The following MROH7 variants were observed in gnomAD, a reference collection of about 807,000 sequenced individuals.
MROH7 encodes the protein maestro heat like repeat family member 7.
MROH7 carries 113 observed loss-of-function variants against 129.2 expected under a neutral mutation model. That is an observed-to-expected ratio of 0.87 (90% CI 0.75 to 1.02). The LOEUF is 1.02. MROH7 is among the 50% of genes least tolerant of loss of function. The pLI is 0.00. For missense variants in MROH7, 1,601 were observed against 1,671.3 expected, an observed-to-expected ratio of 0.96 and a Z score of 0.73; for synonymous variants, 655 against 667.9, an observed-to-expected ratio of 0.98 and a Z score of 0.30.
chr1:54,663,832 T>C, intron 3 of MROH7: 1 of 446,622 alleles, frequency 2.2e-6, no homozygotes, highest in African/African-American at 2.0e-5. Context: ...GCCTTGTTCC[T>C]TTTAGTGGGG....
In MROH7 at chr1:54,683,832, C is replaced by T. The variant is rs558930279; in HGVS notation, c.2520+1038C>T. 3.3e-5 allele frequency among the ~76,000 whole-genome samples: 5 copies of T among 152,334 alleles called. No homozygotes were observed. The South Asian group carries it at 1.0e-3, about 32-fold the overall frequency. On this transcript the variant is annotated intron_variant, in intron 14 of 23. Transcript: ENST00000421030. ...CTCATCCTTCAGCTGTCAACTCCAG[C>T]ATCACTTCCTTAGGGAAGCCCTCCC...
intron 17 of MROH7, chr1:54,697,961 C>A: frequency 2.6e-6 from 1 of 389,658 alleles, no homozygotes; most frequent in Admixed American, 4.1e-5. Context: ...GCAGCCCTTC[C>A]GCCCTGCAGC....
chr1:54,679,804 C>T, intron 12 of MROH7, 87 bp from the exon 13 acceptor site: 1 of 1,329,220 alleles, frequency 7.5e-7, no homozygotes, highest in Non-Finnish European at 1.0e-6. Context: ...TAGCCTGTCA[C>T]CCCCTTCCCT....
intron 22 of MROH7, among the ~76,000 whole-genome samples, chr1:54,707,659 A>G (rs1348567919): frequency 6.6e-6 from 1 of 152,110 alleles, no homozygotes; most frequent in African/African-American, 2.4e-5. Flanking sequence ...TCTAAAATGG[A>G]GTGTCTAACA....
At chr1:54,679,758 C>CCT in intron 12 of MROH7, 133 bp from the exon 13 acceptor site, 2 of 870,962 alleles carry the variant, frequency 2.3e-6, no homozygotes, top group East Asian at 2.5e-5. Flanking sequence ...CTTGCCTCTT[C>CCT]CTCTCTCTCT....
At chr1:54,700,263 G>T in intron 17 of MROH7, 58 bp from the exon 18 acceptor site, 1 of 1,609,336 alleles carries the variant, frequency 6.2e-7, no homozygotes, top group Non-Finnish European at 8.5e-7. Context: ...TGCATGGGAG[G>T]CCAGGGGGCT....
intron 1 of MROH7, among the ~76,000 whole-genome samples, chr1:54,645,751 A>G (rs1644456791): frequency 6.7e-6 from 1 of 148,276 alleles, no homozygotes; most frequent in Non-Finnish European, 1.5e-5. Flanking sequence ...TCCCGGGCTC[A>G]AGCAATTCTC....
rs2101063870 is a variant in MROH7, at chr1:54,651,940, TC to T, written c.-109-7del. Reference sequence around the variant, plus strand: ...CCCTGACTTGATTTCTTTCTGCATCTCCTCCCAGGGGCCCGCTCCTGCTTAA... The same window carrying T: ...CCCTGACTTGATTTCTTTCTGCATCTCTCCCAGGGGCCCGCTCCTGCTTAA... On this transcript the variant is annotated splice_polypyrimidine_tract_variant and splice_region_variant and intron_variant, in intron 1 of 23. Coordinates refer to ENST00000421030, the MANE Select transcript of MROH7 (RefSeq NM_001039464.4). 6.6e-6 allele frequency: 1 copy of T among 152,578 alleles called. No individual in the cohort carries two copies. Among genetic ancestry groups the T allele is most frequent in the South Asian group, 2.1e-4 (1 of 4,816 alleles). The allele number at this position is 152,578 out of a possible 1,614,324, so 9.5% of individuals were successfully genotyped here.
intron 23 of MROH7, 66 bp downstream of exon 23, chr1:54,709,142 G>C (rs1645583143): frequency 3.4e-6 from 5 of 1,475,728 alleles, no homozygotes; most frequent in Non-Finnish European, 4.7e-6. Flanking sequence ...ATCACAGTGG[G>C]TAACAGGGAA....
At chr1:54,677,656 C>T (rs1016580839) in intron 10 of MROH7, among the ~76,000 whole-genome samples, 1 of 152,164 alleles carries the variant, frequency 6.6e-6, no homozygotes, top group African/African-American at 2.4e-5. Flanking sequence ...AACACTCTGC[C>T]TTGGTGGCCC....
rs748123333 is a variant in MROH7, at chr1:54,692,538, C to T, written c.2826C>T (p.His942=). 2.1e-5 allele frequency: 34 copies of T among 1,613,628 alleles called. No individual in the cohort carries two copies. In the Middle Eastern group the frequency reaches 8.2e-4, roughly 39 times the overall value. Residue 942 remains histidine (H), a synonymous_variant, in exon 16 of 24, where the codon CAC becomes CAT. Coordinates refer to ENST00000421030, the MANE Select transcript of MROH7 (RefSeq NM_001039464.4). ...WELMEQVESH[H]RGVALLARAM... is the part of the protein sequence containing the mutation. ...TCATGGAGCAGGTGGAGAGCCACCA[C>T]CGCGGAGTGGCCTTGCTGGCAAGGT...
chr1:54,709,018 C>T lies in MROH7; in HGVS notation c.3672C>T (p.Ser1224=). The T allele has an allele frequency of 3.7e-6, 6 of 1,614,162 alleles. No individual in the cohort carries two copies. The highest frequency in any genetic ancestry group is 5.1e-6 in the Non-Finnish European group (6 of 1,180,020). Residue 1224 remains serine, a synonymous_variant, in exon 23 of 24, where the codon TCC becomes TCT. Coordinates refer to ENST00000421030, the MANE Select transcript of MROH7 (RefSeq NM_001039464.4). ...LRKCSVMFIG[S]LVPCMESIMT... ...ACTTCTTGGATTACGCTCAAGGGTC[C>T]CTGGTCCCCTGCATGGAGAGCATAA...
intron 18 of MROH7, 50 bp downstream of exon 18, chr1:54,700,511 G>A: frequency 6.6e-7 from 1 of 1,522,826 alleles, no homozygotes; most frequent in Non-Finnish European, 8.8e-7. Flanking sequence ...CCAGACTGGA[G>A]GAAGGACAGA....
chr1:54,679,501 C>G, intron 12 of MROH7, 62 bp downstream of exon 12: 1 of 1,537,748 alleles, frequency 6.5e-7, no homozygotes, highest in Non-Finnish European at 8.9e-7. Context: ...CCCCCATGGC[C>G]TGCTCATCAC....
In MROH7 at chr1:54,670,478, T is replaced by C. The variant is rs1045533072; in HGVS notation, c.1390-19T>C. 1 of 1,612,226 alleles carries C rather than the reference T, an allele frequency of 6.2e-7. No individual in the cohort carries two copies. Among genetic ancestry groups the C allele is most frequent in the Non-Finnish European group, 8.5e-7 (1 of 1,178,858 alleles). Reference sequence around the variant, plus strand: ...CAGTAGCCCTGTCCTCATCGGCCCTTCTGTGGCCCCCTGTCCAGAGGCAGA... The same window carrying C: ...CAGTAGCCCTGTCCTCATCGGCCCTCCTGTGGCCCCCTGTCCAGAGGCAGA... On this transcript the variant is annotated intron_variant, in intron 5 of 23. Transcript: ENST00000421030.
chr1:54,669,762 G>T lies in MROH7; in HGVS notation c.1390-735G>T, dbSNP rs1054956549. Among the ~76,000 whole-genome samples the T allele has an allele frequency of 2.6e-5, 4 of 152,172 alleles. No homozygotes were observed. The East Asian group carries it at 7.7e-4, about 29-fold the overall frequency. ...CGTCTGTAATCCCAGCATTTTGGGA[G>T]GCCAAGGCAGGTGGATCCCTTGAGG... On this transcript the variant is annotated intron_variant, in intron 5 of 23. Transcript: ENST00000421030.
At chr1:54,645,946 G>T (rs964579622) in intron 1 of MROH7, among the ~76,000 whole-genome samples, 1 of 152,140 alleles carries the variant, frequency 6.6e-6, no homozygotes, top group African/African-American at 2.4e-5. Context: ...GCCACCGCGT[G>T]CAGCCAAAAG....
rs139875727 is a variant in MROH7, at chr1:54,708,618, A to T, written c.3668-396A>T. Among the ~76,000 whole-genome samples the T allele has an allele frequency of 9.9e-5, 15 of 152,284 alleles. No homozygotes were observed. In the East Asian group the frequency reaches 2.9e-3, roughly 29 times the overall value. ...TCTCAGCCCTCTAGGGCCCTGCTAT[A>T]GCCTTGCCTGACAGGTATGCAAGGT... On this transcript the variant is annotated intron_variant, in intron 22 of 23. Transcript: ENST00000421030.
chr1:54,678,430 A>G (rs113226313), intron 10 of MROH7, among the ~76,000 whole-genome samples: 3 of 151,958 alleles, frequency 2.0e-5, no homozygotes, highest in Non-Finnish European at 4.4e-5. Flanking sequence ...GTTGAGCAGA[A>G]GAAGACAGAC....
Sources: gnomAD v4.1 joint callset for allele counts (sites outside exome capture counted in the v4.1 genomes callset) on GRCh38, gnomAD v4.1.1 for gene constraint, MANE v1.5 for transcripts, NCBI Gene and HGNC (gene_info 2026-07-23, HGNC 2026-07-21) for gene names.